Variants in C1orf94 observed in about 807,000 individuals in gnomAD.
The protein encoded by C1orf94 is chromosome 1 open reading frame 94.
A neutral mutation model predicts 53.6 loss-of-function variants in C1orf94; 45 were observed. The ratio of observed to expected loss-of-function variants is 0.84; its 90% CI spans 0.66 to 1.08. The LOEUF (loss-of-function observed/expected upper bound fraction) is 1.08, where lower values mean the gene tolerates loss of function less well. Among genes scored for constraint, C1orf94 ranks in the 50% least tolerant of loss-of-function variants. C1orf94 has a pLI of 0.00. For missense variants in C1orf94, 762 were observed against 738.9 expected (o/e 1.03, Z -0.36); for synonymous variants, 304 against 296.1 (o/e 1.03, Z -0.27).
At chr1:34,174,592 G>A (rs35734924), upstream of C1orf94, among the ~76,000 whole-genome samples, 9,850 of 152,206 alleles carry the variant, frequency 0.065, 410 homozygotes, top group Middle Eastern at 0.1. Flanking sequence ...GGAGTGATTA[G>A]GACAGGGACA....
chr1:34,191,410 T>C (rs1642477051), intron 1 of C1orf94, among the ~76,000 whole-genome samples: 3 of 152,208 alleles, frequency 2.0e-5, no homozygotes, highest in African/African-American at 7.2e-5. Flanking sequence ...GCCCTCTCCC[T>C]GACCTCCCCC....
At chr1:34,181,043 T>C (rs1258149988) in intron 1 of C1orf94, among the ~76,000 whole-genome samples, 3 of 152,212 alleles carry the variant, frequency 2.0e-5, no homozygotes, top group Admixed American at 2.0e-4. Flanking sequence ...CTTCCCTTGC[T>C]ATGAACCCCC....
chr1:34,174,461 A>T (rs574035640), upstream of C1orf94, among the ~76,000 whole-genome samples: 18 of 152,224 alleles, frequency 1.2e-4, no homozygotes, highest in South Asian at 3.5e-3. Context: ...GCAATCCTAA[A>T]CCAAATACCT....
chr1:34,197,397 C>G lies in C1orf94; in HGVS notation c.493C>G (p.Pro165Ala). 6.2e-7 allele frequency: 1 copy of G among 1,613,844 alleles called. No homozygotes were observed. The highest frequency in any genetic ancestry group is 1.3e-5 in the African/African-American group (1 of 75,054). ...GCTGGCTCCCTGCATTCTTGCCCCT[C>G]CTCTAGTGGCAGGCAGTAATGAGCG... ...RELAPCILAPPLVAGSNERPR... is the reference protein window; with the variant it reads ...RELAPCILAPALVAGSNERPR... Residue 165 changes from proline to alanine, a missense_variant, in exon 2 of 7, where the codon CCT becomes GCT. Transcript: ENST00000488417. This position sits in a 1 kb window ranked among gnomAD's most constrained non-coding sequence, Gnocchi z 4.1.
intron 5 of C1orf94, among the ~76,000 whole-genome samples, chr1:34,210,265 G>C (rs567822563): frequency 2.0e-5 from 3 of 152,346 alleles, no homozygotes; most frequent in Admixed American, 2.0e-4. Flanking sequence ...ACTCCCATCT[G>C]ACCTGCGAGG....
chr1:34,192,213 G>A (rs530465295), intron 1 of C1orf94, among the ~76,000 whole-genome samples: 25 of 152,330 alleles, frequency 1.6e-4, no homozygotes, highest in Middle Eastern at 3.4e-3. Flanking sequence ...AGGCCTAACC[G>A]TGAACCCAGC....
At chr1:34,194,356 C>T (rs1342383489) in intron 1 of C1orf94, among the ~76,000 whole-genome samples, 2 of 152,152 alleles carry the variant, frequency 1.3e-5, no homozygotes, top group African/African-American at 4.8e-5. Context: ...GATTCACACT[C>T]AGCCCCTGGT....
At position 34,193,132 on chromosome 1, in the gene C1orf94, A is replaced by G. The variant is rs146220565; in HGVS notation, c.321-4093A>G. 3.3e-5 allele frequency among the ~76,000 whole-genome samples: 5 copies of G among 152,230 alleles called. No homozygotes were observed. In the East Asian group the frequency reaches 9.7e-4, roughly 29 times the overall value. ...GACCCTGAATCAGGGACTTTTAACT[A>G]TATGGCGAATCTCGATGGCAGCGAA... On this transcript the variant is annotated intron_variant, in intron 1 of 6. Coordinates refer to ENST00000488417, the MANE Select transcript of C1orf94 (RefSeq NM_001134734.2).
At chr1:34,201,615 T>A (rs1208075441) in intron 3 of C1orf94, among the ~76,000 whole-genome samples, 1 of 152,222 alleles carries the variant, frequency 6.6e-6, no homozygotes, top group East Asian at 1.9e-4. Context: ...CCCATATAGA[T>A]ACAACAACCT....
chr1:34,178,104 A>G lies in C1orf94; in HGVS notation c.315A>G (p.Gln105=). 6.4e-7 allele frequency: 1 copy of G among 1,551,266 alleles called. No individual in the cohort carries two copies. Among genetic ancestry groups the G allele is most frequent in the Admixed American group, 2.0e-5 (1 of 50,988 alleles). ...TAAGAGGCAATGAGCTCAGCTTTCA[A>G]GAAGAGTAAGTACCCCCCTACTCCA... ...GTLRGNELSF[Q]EEALELSSGK... Residue 105 remains glutamine (Q), a synonymous_variant, in exon 1 of 7, where the codon CAA becomes CAG. Transcript: ENST00000488417.
At chr1:34,180,097 C>A (rs910623694) in intron 1 of C1orf94, among the ~76,000 whole-genome samples, 5 of 152,112 alleles carry the variant, frequency 3.3e-5, no homozygotes, top group Admixed American at 3.3e-4. Context: ...CAGCCCCATG[C>A]CATTTGAAGA....
At chr1:34,210,719 A>G (rs1366434288) in intron 5 of C1orf94, among the ~76,000 whole-genome samples, 1 of 151,868 alleles carries the variant, frequency 6.6e-6, no homozygotes, top group Non-Finnish European at 1.5e-5. Flanking sequence ...CAGTGGCACA[A>G]TCTTGGCTCA....
chr1:34,218,613 T>C, intron 6 of C1orf94, 73 bp from the exon 7 acceptor site: 1 of 1,200,098 alleles, frequency 8.3e-7, no homozygotes, highest in Non-Finnish European at 1.2e-6. Context: ...ATAAAATTAA[T>C]ATATATATTT....
At position 34,197,593 on chromosome 1, in the gene C1orf94, G is replaced by C; in HGVS notation, c.689G>C (p.Gly230Ala). 6.2e-7 allele frequency: 1 copy of C among 1,614,104 alleles called. No homozygotes were observed. The highest frequency in any genetic ancestry group is 8.5e-7 in the Non-Finnish European group (1 of 1,179,984). Residue 230 changes from glycine (G) to alanine (A), a missense_variant, in exon 2 of 7, where the codon GGT becomes GCT. Transcript: ENST00000488417. The surrounding 1 kb of genome is among the most constrained non-coding windows in gnomAD (Gnocchi z 4.1). Reference protein sequence around the residue: ...KGTEDRGRILGDSNLQVSKLL... With the variant: ...KGTEDRGRILADSNLQVSKLL... ...ACAGAGGACAGGGGCCGCATCCTAGGTGACTCCAACTTGCAAGTCAGCAAG... is the reference window on the plus strand; with the variant it reads ...ACAGAGGACAGGGGCCGCATCCTAGCTGACTCCAACTTGCAAGTCAGCAAG...
intron 1 of C1orf94, among the ~76,000 whole-genome samples, chr1:34,188,942 C>T (rs1421773007): frequency 6.6e-6 from 1 of 152,172 alleles, no homozygotes; most frequent in East Asian, 1.9e-4. Flanking sequence ...CTAGGCCCCC[C>T]AGATAGTGAG....
At chr1:34,185,349 T>G (rs1451644469) in intron 1 of C1orf94, among the ~76,000 whole-genome samples, 1 of 152,054 alleles carries the variant, frequency 6.6e-6, no homozygotes, top group Non-Finnish European at 1.5e-5. Flanking sequence ...CTGGCTAATT[T>G]TTGTATTTTT....
chr1:34,178,088 A>C lies in C1orf94; in HGVS notation c.299A>C (p.Asn100Thr), dbSNP rs1271411801. 6.4e-7 allele frequency: 1 copy of C among 1,551,594 alleles called. No individual in the cohort carries two copies. Residue 100 changes from asparagine to threonine, a missense_variant, in exon 1 of 7, where the codon AAT (asparagine) becomes ACT (threonine). Transcript: ENST00000488417. ...CCTGTGGTTGGAACTCTAAGAGGCAATGAGCTCAGCTTTCAAGAAGAGTAA... is the reference window on the plus strand; with the variant it reads ...CCTGTGGTTGGAACTCTAAGAGGCACTGAGCTCAGCTTTCAAGAAGAGTAA... Reference protein sequence around the residue: ...SVPVVGTLRGNELSFQEEALE... With the variant: ...SVPVVGTLRGTELSFQEEALE...
chr1:34,205,147 G>A (rs1642771730), intron 4 of C1orf94, among the ~76,000 whole-genome samples: 1 of 152,166 alleles, frequency 6.6e-6, no homozygotes, highest in African/African-American at 2.4e-5. Context: ...GAGCATGACG[G>A]TCCTCTGTCT....
upstream of C1orf94, among the ~76,000 whole-genome samples, chr1:34,172,651 C>T (rs901903096): frequency 6.6e-5 from 10 of 152,218 alleles, no homozygotes; most frequent in African/African-American, 2.4e-4. Flanking sequence ...GAAAAACCCC[C>T]AAGAAATGGC....
Sources: gnomAD v4.1 joint callset for allele counts (sites outside exome capture counted in the v4.1 genomes callset) on GRCh38, gnomAD v4.1.1 for gene constraint, Gnocchi (gnomAD v3.1) non-coding constraint, MANE v1.5 for transcripts, NCBI Gene and HGNC (gene_info 2026-07-23, HGNC 2026-07-21) for gene names.